The following KCNG2 variants were observed in gnomAD, a reference collection of about 807,000 sequenced individuals.
KCNG2 encodes the protein potassium voltage-gated channel modifier subfamily G member 2.
Under a neutral mutation model 12.3 loss-of-function variants are expected in KCNG2, and 7 were observed. That is an observed-to-expected ratio of 0.57 (90% CI 0.32 to 1.07). KCNG2 has a LOEUF of 1.07. KCNG2 is among the 50% of genes least tolerant of loss of function. The probability of loss-of-function intolerance (pLI) is 0.04; values close to 1 mark genes in which losing one functional copy is unlikely to be tolerated. For synonymous variants in KCNG2, 414 were observed against 351.4 expected, an observed-to-expected ratio of 1.18 and a Z score of -1.99; for missense variants, 703 against 726.0, an observed-to-expected ratio of 0.97 and a Z score of 0.36.
chr18:79,812,681 C>A (rs1424333381), intron 1 of KCNG2, among the ~76,000 whole-genome samples: 1 of 151,796 alleles, frequency 6.6e-6, no homozygotes, highest in Non-Finnish European at 1.5e-5. Flanking sequence ...GCCAACATGG[C>A]AAAACCTCAT....
In KCNG2 at chr18:79,892,613, C is replaced by T. The variant is rs113635721; in HGVS notation, c.625-6427C>T. Among the ~76,000 whole-genome samples, 437 of 148,316 alleles carry T rather than the reference C, an allele frequency of 2.9e-3. 1 individual carries two copies. The highest frequency in any genetic ancestry group is 0.01 in the African/African-American group (414 of 40,110). The stretch of plus-strand genomic sequence containing the variant: ...CAATTGATATAGTTGGGTCTGTGGC[C>T]GCTTTTGACTGGGTTGTTCACTCCA... On this transcript the variant is annotated intron_variant, in intron 3 of 3. Coordinates refer to ENST00000316249, the MANE Select transcript of KCNG2 (RefSeq NM_012283.2).
chr18:79,863,787 C>T lies in KCNG2; in HGVS notation c.120C>T (p.Leu40=), dbSNP rs1015259081. ...GGGCCGCGCTGGCGCGATGCCCCCTCGCGCGCCTGGAGCGCCTGCGCGCCT... is the reference window on the plus strand; with the variant it reads ...GGGCCGCGCTGGCGCGATGCCCCCTTGCGCGCCTGGAGCGCCTGCGCGCCT... ...LAWAALARCP[L]ARLERLRACR... The change falls in exon 3 of 4, where the codon CTC becomes CTT. Residue 40 remains leucine (L), a synonymous_variant. Coordinates refer to ENST00000316249, the MANE Select transcript of KCNG2 (RefSeq NM_012283.2). 3.9e-6 allele frequency: 5 copies of T among 1,289,708 alleles called. No homozygotes were observed. Among genetic ancestry groups the T allele is most frequent in the Non-Finnish European group, 3.0e-6 (3 of 1,013,364 alleles). The allele number at this position is 1,289,708 out of a possible 1,614,324, so 79.9% of individuals were successfully genotyped here.
intron 3 of KCNG2, among the ~76,000 whole-genome samples, chr18:79,880,025 T>C (rs1980232825): frequency 1.3e-5 from 2 of 152,206 alleles, no homozygotes; most frequent in African/African-American, 4.8e-5. Flanking sequence ...AATGAGCATG[T>C]TCACATTTTC....
intron 3 of KCNG2, among the ~76,000 whole-genome samples, chr18:79,872,978 C>T (rs1392667174): frequency 6.6e-6 from 1 of 152,132 alleles, no homozygotes; most frequent in Admixed American, 6.5e-5. Context: ...GTGTGCTGTC[C>T]TCCTCTGATG....
In KCNG2 at chr18:79,899,371, C is replaced by A; in HGVS notation, c.956C>A (p.Ala319Glu). ...CTGGGCCTGACCATGCGCCGCTGCG[C>A]GCGCGAGTTCGGGCTGCTGCTGCTG... ...RSLGLTMRRCAREFGLLLLFL... is the reference protein window; with the variant it reads ...RSLGLTMRRCEREFGLLLLFL... Residue 319 changes from alanine to glutamate, a missense_variant, in exon 4 of 4, where the codon GCG becomes GAG. Coordinates refer to ENST00000316249, the MANE Select transcript of KCNG2 (RefSeq NM_012283.2). 1.3e-6 allele frequency: 2 copies of A among 1,557,636 alleles called. No individual in the cohort carries two copies. The highest frequency in any genetic ancestry group is 8.6e-7 in the Non-Finnish European group (1 of 1,158,016).
rs1023598895 is a variant in KCNG2 at position 79,822,586 on chromosome 18, G to C, written c.-115+24572G>C. The stretch of plus-strand genomic sequence containing the variant: ...CCCGAGTAGCTGGGGCCACAGGCGT[G>C]AGCCACCATGCCTGGCTAATTTTTG... On this transcript the variant is annotated intron_variant, in intron 1 of 3. Transcript: ENST00000316249. This position sits in a 1 kb window ranked among gnomAD's most constrained non-coding sequence, Gnocchi z 4.4. 9.2e-5 allele frequency among the ~76,000 whole-genome samples: 14 copies of C among 152,174 alleles called. No homozygotes were observed. Among genetic ancestry groups the C allele is most frequent in the African/African-American group, 3.4e-4 (14 of 41,518 alleles).
intron 1 of KCNG2, among the ~76,000 whole-genome samples, chr18:79,846,518 A>AT (rs1978636551): frequency 6.6e-6 from 1 of 152,080 alleles, no homozygotes; most frequent in Admixed American, 6.6e-5. Context: ...TGATGCTAAT[A>AT]TTACTCATCT....
In KCNG2 at chr18:79,800,232, G is replaced by A. The variant is rs145327075; in HGVS notation, c.-115+2218G>A. ...GGAGGGGTGGTAGGGCCTGCAGGAC[G>A]AGGACACGCAGGGCATCCAGGGACG... is the stretch of plus-strand genomic sequence containing the variant. On this transcript the variant is annotated intron_variant, in intron 1 of 3. Transcript: ENST00000316249. This position sits in a 1 kb window ranked among gnomAD's most constrained non-coding sequence, Gnocchi z 4.0. Among the ~76,000 whole-genome samples, 1 of 152,160 alleles carries A rather than the reference G, an allele frequency of 6.6e-6. No homozygotes were observed. Among genetic ancestry groups the A allele is most frequent in the African/African-American group, 2.4e-5 (1 of 41,430 alleles).
At chr18:79,804,304 G>A (rs903285276) in intron 1 of KCNG2, among the ~76,000 whole-genome samples, 2 of 152,238 alleles carry the variant, frequency 1.3e-5, no homozygotes, top group African/African-American at 4.8e-5. Flanking sequence ...GACTCTGCCC[G>A]TCAGCACCCA....
chr18:79,881,065 C>T (rs1214830992), intron 3 of KCNG2, among the ~76,000 whole-genome samples: 6 of 152,196 alleles, frequency 3.9e-5, no homozygotes, highest in Non-Finnish European at 8.8e-5. Context: ...ATGCCTGCTC[C>T]CCACTCCTCT....
chr18:79,819,420 C>G (rs1228652208), intron 1 of KCNG2, among the ~76,000 whole-genome samples: 1 of 152,220 alleles, frequency 6.6e-6, no homozygotes, highest in Non-Finnish European at 1.5e-5. Context: ...TGCTGCCAGG[C>G]CTGGGGTCCC....
chr18:79,868,091 C>T (rs1339914177), intron 3 of KCNG2, among the ~76,000 whole-genome samples: 5 of 152,098 alleles, frequency 3.3e-5, no homozygotes, highest in African/African-American at 7.2e-5. Context: ...TGTCCTCGGT[C>T]GAATATCCAG....
At chr18:79,813,012 G>A (rs191136293) in intron 1 of KCNG2, among the ~76,000 whole-genome samples, 75 of 151,688 alleles carry the variant, frequency 4.9e-4, no homozygotes, top group African/African-American at 1.7e-3. Flanking sequence ...AAAATTAGCC[G>A]AGTGTGGTGG....
At chr18:79,835,895 C>T (rs1000249033) in intron 1 of KCNG2, among the ~76,000 whole-genome samples, 4 of 152,024 alleles carry the variant, frequency 2.6e-5, no homozygotes, top group Non-Finnish European at 4.4e-5. Context: ...ACAAAAAACA[C>T]AAGAGATAAA....
chr18:79,832,869 T>C (rs2123026494), intron 1 of KCNG2, among the ~76,000 whole-genome samples: 1 of 152,278 alleles, frequency 6.6e-6, no homozygotes, highest in East Asian at 1.9e-4. Flanking sequence ...CTGCGTCTGC[T>C]CCTTAAGCCC....
intron 1 of KCNG2, among the ~76,000 whole-genome samples, chr18:79,806,811 C>T (rs762844780): frequency 1.6e-4 from 25 of 152,246 alleles, no homozygotes; most frequent in Non-Finnish European, 2.9e-4. Context: ...AACCACTCCA[C>T]GCAAAATTAA....
At chr18:79,871,248 C>T (rs1159079325) in intron 3 of KCNG2, among the ~76,000 whole-genome samples, 1 of 152,256 alleles carries the variant, frequency 6.6e-6, no homozygotes, top group African/African-American at 2.4e-5. Flanking sequence ...CTCCCGCCTC[C>T]TGGCAGCGCA....
intron 1 of KCNG2, among the ~76,000 whole-genome samples, chr18:79,833,051 A>G (rs1978304928): frequency 1.3e-5 from 2 of 152,186 alleles, no homozygotes; most frequent in African/African-American, 2.4e-5. Flanking sequence ...TGAAATTTGT[A>G]TAATTTTTTC....
At chr18:79,836,369 G>A (rs1978325180) in intron 1 of KCNG2, among the ~76,000 whole-genome samples, 1 of 152,188 alleles carries the variant, frequency 6.6e-6, no homozygotes, top group Admixed American at 6.5e-5. Context: ...CAAAATATGT[G>A]AACCAAAGGA....
Sources: allele counts gnomAD v4.1 joint callset (sites outside exome capture counted in the v4.1 genomes callset), GRCh38; gene constraint gnomAD v4.1.1; non-coding constraint Gnocchi (gnomAD v3.1); transcripts MANE v1.5; gene names NCBI Gene and HGNC (gene_info 2026-07-23, HGNC 2026-07-21).